The following BAG3 variants were observed in gnomAD, a reference collection of about 807,000 sequenced individuals.
The protein encoded by BAG3 is BAG family molecular chaperone regulator 3.
Under a neutral mutation model 40.5 loss-of-function variants are expected in BAG3, and 14 were observed. That is an observed-to-expected ratio of 0.35 (90% CI 0.23 to 0.54). The LOEUF (loss-of-function observed/expected upper bound fraction) is 0.54. Ranked by LOEUF, BAG3 falls within the 20% of genes least tolerant of loss-of-function variation. The pLI is 0.91. For missense variants in BAG3, 788 were observed against 758.6 expected (o/e 1.04, Z -0.46); for synonymous variants, 302 against 307.8 (o/e 0.98, Z 0.20).
chr10:119,670,490 G>C (rs2134063879), intron 2 of BAG3, among the ~76,000 whole-genome samples: 1 of 152,388 alleles, frequency 6.6e-6, no homozygotes. Flanking sequence ...GGAGGGAGCA[G>C]AGCTGGGACC....
rs372417286 is a variant in BAG3 at position 119,676,916 on chromosome 10, C to T, written c.1362C>T (p.Ile454=). The change falls in exon 4 of 4, where the codon ATC becomes ATT. Residue 454 remains isoleucine, a synonymous_variant. Coordinates refer to ENST00000369085, the MANE Select transcript of BAG3 (RefSeq NM_004281.4). ...AGACTGACAAAAAGTACCTGATGAT[C>T]GAAGAGTATTTGACCAAAGAGCTGC... is the stretch of plus-strand genomic sequence containing the variant. The part of the protein sequence containing the change: ...GKKTDKKYLM[I]EEYLTKELLA... 69 of 1,614,092 alleles carry T rather than the reference C, an allele frequency of 4.3e-5. No individual in the cohort carries two copies. The highest frequency in any genetic ancestry group is 1.6e-4 in the Middle Eastern group (1 of 6,062).
chr10:119,671,979 G>A (rs1847156089), intron 2 of BAG3, among the ~76,000 whole-genome samples: 1 of 152,126 alleles, frequency 6.6e-6, no homozygotes, highest in African/African-American at 2.4e-5. Context: ...GGTAGAGATG[G>A]GGTTTCACCA....
At chr10:119,668,132 C>G (rs1291820812) in intron 1 of BAG3, among the ~76,000 whole-genome samples, 2 of 152,234 alleles carry the variant, frequency 1.3e-5, no homozygotes, top group Non-Finnish European at 2.9e-5. Flanking sequence ...GAATGCCTGT[C>G]TGCCCATGTC....
intron 1 of BAG3, among the ~76,000 whole-genome samples, chr10:119,660,944 T>G (rs1477532808): frequency 6.6e-6 from 1 of 151,926 alleles, no homozygotes; most frequent in Non-Finnish European, 1.5e-5. Flanking sequence ...AAATACAAAA[T>G]TAGCTGGGTG....
chr10:119,656,546 G>C (rs2134053824), intron 1 of BAG3: 1 of 152,256 alleles, frequency 6.6e-6, no homozygotes, highest in Non-Finnish European at 1.5e-5. Context: ...ATGCCCATCA[G>C]CCGGCCGTCT....
chr10:119,660,013 T>C (rs1846970992), intron 1 of BAG3, among the ~76,000 whole-genome samples: 2 of 152,198 alleles, frequency 1.3e-5, no homozygotes. Flanking sequence ...TTCCTACCTC[T>C]GCCACATGGA....
At chr10:119,673,090 C>T (rs1225093536) in intron 3 of BAG3, among the ~76,000 whole-genome samples, 1 of 152,164 alleles carries the variant, frequency 6.6e-6, no homozygotes, top group Non-Finnish European at 1.5e-5. Flanking sequence ...ATTCCCACCC[C>T]TGTGCCTTTG....
chr10:119,676,498 C>T lies in BAG3; in HGVS notation c.944C>T (p.Ser315Phe), dbSNP rs1060502818. The change falls in exon 4 of 4, where the codon TCC (serine) becomes TTC (phenylalanine). Residue 315 changes from serine (S) to phenylalanine (F), a missense_variant. By Grantham distance (155) the Ser-to-Phe change is radical. Coordinates refer to ENST00000369085, the MANE Select transcript of BAG3 (RefSeq NM_004281.4). ...ACCCATCGAGAAACTGCACCTGTTTCCCAGCCTGAAAACAAACCAGAAAGT... is the reference window on the plus strand; with the variant it reads ...ACCCATCGAGAAACTGCACCTGTTTTCCAGCCTGAAAACAAACCAGAAAGT... ...PMTHRETAPV[S>F]QPENKPESKP... 2 of 1,613,968 alleles carry T rather than the reference C, an allele frequency of 1.2e-6. No homozygotes were observed. The highest frequency in any genetic ancestry group is 1.7e-6 in the Non-Finnish European group (2 of 1,180,034).
chr10:119,665,144 A>ATTTTTTTTTTCCTT (rs1847046561), intron 1 of BAG3, among the ~76,000 whole-genome samples: 1 of 88,790 alleles, frequency 1.1e-5, no homozygotes, highest in Admixed American at 1.3e-4. Context: ...ATATATATAT[A>ATTTTTTTTTTCCTT]TTTTTTTTTT....
intron 1 of BAG3, among the ~76,000 whole-genome samples, chr10:119,664,987 T>C (rs1847038635): frequency 6.6e-6 from 1 of 151,534 alleles, no homozygotes; most frequent in Non-Finnish European, 1.5e-5. Flanking sequence ...GGTGTGATCT[T>C]AGCTCACTGC....
At chr10:119,652,143 G>A (rs1433233554) in intron 1 of BAG3, among the ~76,000 whole-genome samples, 1 of 152,080 alleles carries the variant, frequency 6.6e-6, no homozygotes, top group East Asian at 1.9e-4. Context: ...CTCGACTCCA[G>A]GGCGGAAGGC....
chr10:119,652,743 TA>T (rs1291226858), intron 1 of BAG3, among the ~76,000 whole-genome samples: 1 of 152,228 alleles, frequency 6.6e-6, no homozygotes, highest in Non-Finnish European at 1.5e-5. Context: ...AATAACTGAC[TA>T]ATGATACTCT....
Position 119,657,571 on chromosome 10 carries a change from G to T in BAG3, c.180+5716G>T, listed in dbSNP as rs1331039196. ...AGAGCTGCCCGTGAAGGATGCAGGT[G>T]TGTCCCGGGAAGCCTTCCATTGGTT... On this transcript the variant is annotated intron_variant, in intron 1 of 3. Transcript: ENST00000369085. 8.5e-6 allele frequency: 4 copies of T among 471,140 alleles called. No homozygotes were observed. In the Admixed American group the frequency reaches 9.4e-5, roughly 11 times the overall value. 29.2% of individuals were successfully genotyped at this position (471,140 alleles called of 1,614,324 possible).
chr10:119,675,885 CTTCCTTCCTT>C, intron 3 of BAG3, among the ~76,000 whole-genome samples: 2 of 27,162 alleles, frequency 7.4e-5, no homozygotes, highest in African/African-American at 1.5e-4. Context: ...TCTCCCCTTC[CTTCCTTCCTT>C]CCTTCCCCCC....
chr10:119,653,631 C>A (rs2134051968), intron 1 of BAG3, among the ~76,000 whole-genome samples: 1 of 152,298 alleles, frequency 6.6e-6, no homozygotes, highest in Non-Finnish European at 1.5e-5. Context: ...ACTACTAAAT[C>A]AGAAGTCTGA....
chr10:119,664,172 G>C (rs755061185), intron 1 of BAG3, among the ~76,000 whole-genome samples: 5 of 152,140 alleles, frequency 3.3e-5, no homozygotes, highest in African/African-American at 4.8e-5. Context: ...AAGCAAACGA[G>C]CCCAACAGCT....
intron 1 of BAG3, among the ~76,000 whole-genome samples, chr10:119,662,940 G>A (rs1440312373): frequency 1.3e-5 from 2 of 152,140 alleles, no homozygotes; most frequent in African/African-American, 4.8e-5. Flanking sequence ...GCGTGAACGC[G>A]GGAGGCGGAG....
chr10:119,656,863 T>A (rs1846920580), intron 1 of BAG3, among the ~76,000 whole-genome samples: 1 of 152,148 alleles, frequency 6.6e-6, no homozygotes, highest in Non-Finnish European at 1.5e-5. Context: ...ACCAGCTCTT[T>A]GAACTAGAAA....
intron 1 of BAG3, among the ~76,000 whole-genome samples, chr10:119,665,141 T>TTTTTTTTCC (rs770421648): frequency 1.2e-5 from 1 of 85,894 alleles, no homozygotes; most frequent in African/African-American, 4.5e-5. Flanking sequence ...TATATATATA[T>TTTTTTTTCC]ATATTTTTTT....
Sources: allele counts gnomAD v4.1 joint callset (sites outside exome capture counted in the v4.1 genomes callset), GRCh38; gene constraint gnomAD v4.1.1; transcripts MANE v1.5; gene names NCBI Gene and HGNC (gene_info 2026-07-23, HGNC 2026-07-21).